Variants in ANKS1B observed in about 807,000 individuals in gnomAD.
ANKS1B encodes the protein ankyrin repeat and sterile alpha motif domain containing 1B, also known as ankyrin repeat and sterile alpha motif domain-containing protein 1B.
Under a neutral mutation model 148.3 loss-of-function variants are expected in ANKS1B, and 36 were observed. The ratio of observed to expected loss-of-function variants is 0.24; its 90% CI spans 0.19 to 0.32. The LOEUF is 0.32. Ranked by LOEUF, ANKS1B falls within the 10% of genes least tolerant of loss-of-function variation. ANKS1B has a pLI of 1.00. For synonymous variants in ANKS1B, 542 were observed against 560.8 expected, an observed-to-expected ratio of 0.97 and a Z score of 0.47; for missense variants, 1,157 against 1,542.6, an observed-to-expected ratio of 0.75 and a Z score of 4.19.
chr12:99,174,303 C>T (rs2078124598), intron 14 of ANKS1B, among the ~76,000 whole-genome samples: 1 of 152,190 alleles, frequency 6.6e-6, no homozygotes, highest in Admixed American at 6.5e-5. Context: ...CTGGCCTACA[C>T]ATTGACTGAA....
At chr12:99,545,410 C>A (rs1361576303) in intron 9 of ANKS1B, among the ~76,000 whole-genome samples, 1 of 152,050 alleles carries the variant, frequency 6.6e-6, no homozygotes, top group Non-Finnish European at 1.5e-5. Context: ...AAAGGCGAAG[C>A]AAAACATAGA....
chr12:99,542,442 T>C (rs2097135048), intron 9 of ANKS1B, among the ~76,000 whole-genome samples: 1 of 152,134 alleles, frequency 6.6e-6, no homozygotes, highest in Admixed American at 6.5e-5. Context: ...TGCATGGTCA[T>C]GGGTTAGAAG....
chr12:99,967,856 G>T (rs1048904435), intron 1 of ANKS1B, among the ~76,000 whole-genome samples: 5 of 144,548 alleles, frequency 3.5e-5, no homozygotes, highest in Non-Finnish European at 6.0e-5. Flanking sequence ...GCAGTGAGCC[G>T]AGATCACACC....
intron 1 of ANKS1B, among the ~76,000 whole-genome samples, chr12:99,971,542 C>G (rs1438151538): frequency 6.0e-5 from 9 of 149,828 alleles, no homozygotes; most frequent in Non-Finnish European, 1.3e-4. Context: ...TAAAACATTT[C>G]AAATGCAGAT....
chr12:99,660,369 T>C (rs903788782), intron 8 of ANKS1B, among the ~76,000 whole-genome samples: 10 of 147,474 alleles, frequency 6.8e-5, no homozygotes, highest in African/African-American at 1.3e-4. Flanking sequence ...TTTTCTTTTT[T>C]TTTTTTTTTT....
chr12:98,954,767 GACTCCAGCATGC>G (rs2099859602), intron 17 of ANKS1B, among the ~76,000 whole-genome samples: 1 of 152,154 alleles, frequency 6.6e-6, no homozygotes, highest in South Asian at 2.1e-4. Flanking sequence ...TGTTATAGAT[GACTCCAGCATGC>G]ACTCATACTG....
At chr12:99,076,012 T>C (rs1462689782) in intron 16 of ANKS1B, among the ~76,000 whole-genome samples, 1 of 151,954 alleles carries the variant, frequency 6.6e-6, no homozygotes, top group Non-Finnish European at 1.5e-5. Context: ...CTCATTAGAA[T>C]ACACATTTTA....
intron 9 of ANKS1B, among the ~76,000 whole-genome samples, chr12:99,640,808 C>A (rs913135622): frequency 6.6e-6 from 1 of 152,170 alleles, no homozygotes; most frequent in African/African-American, 2.4e-5. Flanking sequence ...TGGACAGATG[C>A]AAGCAATAAC....
chr12:99,750,140 A>G (rs1233399555), intron 8 of ANKS1B, among the ~76,000 whole-genome samples: 2 of 152,064 alleles, frequency 1.3e-5, no homozygotes, highest in East Asian at 3.9e-4. Flanking sequence ...ATTTCTTTAA[A>G]TATGTAAATT....
chr12:99,120,964 C>T (rs1466056655), intron 15 of ANKS1B, among the ~76,000 whole-genome samples: 3 of 152,066 alleles, frequency 2.0e-5, no homozygotes, highest in South Asian at 4.1e-4. Context: ...GCTAGTAAAG[C>T]GTATCGCATA....
intron 9 of ANKS1B, among the ~76,000 whole-genome samples, chr12:99,595,792 A>G (rs1297839282): frequency 6.6e-6 from 1 of 152,000 alleles, no homozygotes. Context: ...TACATAGCAT[A>G]CATCTTTTAT....
chr12:98,794,392 CAAAAAAAAAAAAAAAAAA>C (rs571692746), intron 22 of ANKS1B: 9,852 of 84,422 alleles, frequency 0.12, 435 homozygotes, highest in East Asian at 0.27. Context: ...AACTCTGTCT[CAAAAAAAAAAAAAAAAAA>C]AAAAAAAAAA....
At chr12:98,966,202 G>GAA (rs2099877712) in intron 17 of ANKS1B, among the ~76,000 whole-genome samples, 1 of 151,886 alleles carries the variant, frequency 6.6e-6, no homozygotes, top group South Asian at 2.1e-4. Flanking sequence ...AAACTTACAA[G>GAA]AAAAAAACAA....
intron 8 of ANKS1B, among the ~76,000 whole-genome samples, chr12:99,756,052 C>T (rs904137273): frequency 3.9e-5 from 6 of 152,090 alleles, no homozygotes; most frequent in Non-Finnish European, 8.8e-5. Context: ...GAAGCCCTCT[C>T]TCACCACTTC....
At chr12:99,192,786 T>A (rs1031454096) in intron 14 of ANKS1B, among the ~76,000 whole-genome samples, 1 of 152,116 alleles carries the variant, frequency 6.6e-6, no homozygotes, top group Non-Finnish European at 1.5e-5. Context: ...TGTAAAAAAA[T>A]TCCAAATTAT....
At chr12:98,941,331 C>T (rs754988619) in intron 17 of ANKS1B, among the ~76,000 whole-genome samples, 28 of 152,120 alleles carry the variant, frequency 1.8e-4, no homozygotes, top group African/African-American at 5.1e-4. Context: ...ATGCTGCAGG[C>T]GATTTTAAAC....
chr12:99,024,681 C>T (rs2099947748), intron 17 of ANKS1B, among the ~76,000 whole-genome samples: 1 of 152,132 alleles, frequency 6.6e-6, no homozygotes, highest in Non-Finnish European at 1.5e-5. Context: ...TCTTAAAAAA[C>T]CCTTTCTTGC....
chr12:99,557,969 T>C lies in ANKS1B; in HGVS notation c.1273-53328A>G, dbSNP rs1447526854. On this transcript the variant is annotated intron_variant, in intron 9 of 26. Transcript: ENST00000683438. The stretch of plus-strand genomic sequence containing the variant: ...GCTGGGCTGTGTGCTCTAACTCTTA[T>C]GGGCGTTTACCATGCCCCCAGCTTT... Among the ~76,000 whole-genome samples the C allele has an allele frequency of 8.5e-5, 13 of 152,304 alleles. 1 individual carries two copies. In the East Asian group the frequency reaches 9.7e-4, roughly 11 times the overall value.
chr12:98,945,766 T>C (rs549318756), intron 17 of ANKS1B, among the ~76,000 whole-genome samples: 1 of 152,158 alleles, frequency 6.6e-6, no homozygotes, highest in South Asian at 2.1e-4. Context: ...GTTTGTGCAA[T>C]CCACATCAAC....
Sources: allele counts gnomAD v4.1 joint callset (sites outside exome capture counted in the v4.1 genomes callset), GRCh38; gene constraint gnomAD v4.1.1; transcripts MANE v1.5; gene names NCBI Gene and HGNC (gene_info 2026-07-23, HGNC 2026-07-21).